Variants in RPS6KA1 observed in about 807,000 individuals in gnomAD.
RPS6KA1 encodes ribosomal protein S6 kinase alpha-1.
Under a neutral mutation model 91.3 loss-of-function variants are expected in RPS6KA1, and 48 were observed. The observed-to-expected ratio is 0.53, with a 90% CI of 0.42 to 0.67. RPS6KA1 has a LOEUF of 0.67. RPS6KA1 is among the 30% of genes least tolerant of loss of function. The pLI is 0.00. For synonymous variants in RPS6KA1, 359 were observed against 384.7 expected, an observed-to-expected ratio of 0.93 and a Z score of 0.78; for missense variants, 719 against 960.5, an observed-to-expected ratio of 0.75 and a Z score of 3.32.
Position 26,555,241 on chromosome 1 carries a change from T to C in RPS6KA1, c.827+20T>C. On this transcript the variant is annotated intron_variant, in intron 10 of 21. Transcript: ENST00000374168. This position sits in a 1 kb window ranked among gnomAD's most constrained non-coding sequence, Gnocchi z 4.3. The stretch of plus-strand genomic sequence containing the variant: ...TCTGAAGTAAGCCCCAGCCCTGCCC[T>C]GATAACAATGGACTCCTCCAAGCCC... 6.2e-7 allele frequency: 1 copy of C among 1,612,620 alleles called. No individual in the cohort carries two copies. The highest frequency in any genetic ancestry group is 8.5e-7 in the Non-Finnish European group (1 of 1,178,730).
chr1:26,534,863 A>G (rs532711456), intron 1 of RPS6KA1, among the ~76,000 whole-genome samples: 10 of 152,174 alleles, frequency 6.6e-5, no homozygotes, highest in East Asian at 5.8e-4. Flanking sequence ...CTTGATTTCT[A>G]TGCTAAGGAG....
intron 17 of RPS6KA1, among the ~76,000 whole-genome samples, chr1:26,562,407 G>T (rs2076161260): frequency 1.3e-5 from 2 of 152,158 alleles, no homozygotes; most frequent in Non-Finnish European, 2.9e-5. Context: ...TTTTGAGTTA[G>T]GAAGTGGCAG....
At chr1:26,532,471 G>T (rs1339889058) in intron 1 of RPS6KA1, among the ~76,000 whole-genome samples, 1 of 152,142 alleles carries the variant, frequency 6.6e-6, no homozygotes, top group Non-Finnish European at 1.5e-5. Context: ...ATGGGGAAGG[G>T]CTGGAGCCAC....
At chr1:26,569,584 C>A (rs544051158) in intron 17 of RPS6KA1, among the ~76,000 whole-genome samples, 1 of 152,156 alleles carries the variant, frequency 6.6e-6, no homozygotes, top group Admixed American at 6.5e-5. Flanking sequence ...ACGGGCTCCA[C>A]GGGCATTGCT....
chr1:26,543,683 G>A (rs1427699651), intron 2 of RPS6KA1, among the ~76,000 whole-genome samples: 1 of 152,170 alleles, frequency 6.6e-6, no homozygotes. Context: ...TGGGCAGGAC[G>A]TGGCTCTGGC....
chr1:26,547,038 G>T lies in RPS6KA1; in HGVS notation c.225+55G>T. On this transcript the variant is annotated intron_variant, in intron 3 of 21. Transcript: ENST00000374168. The surrounding 1 kb of genome is among the most constrained non-coding windows in gnomAD (Gnocchi z 4.1). ...AACACTCGTCATGTTAGAGGTGGGG[G>T]TCAAGGGTCACCTAGGGGCCCAAAG... 6.5e-7 allele frequency: 1 copy of T among 1,550,160 alleles called. No individual in the cohort carries two copies. The highest frequency in any genetic ancestry group is 8.9e-7 in the Non-Finnish European group (1 of 1,122,408).
At position 26,547,292 on chromosome 1, in the gene RPS6KA1, T is replaced by C. The variant is rs749196072; in HGVS notation, c.307+22T>C. On this transcript the variant is annotated intron_variant, in intron 4 of 21. Coordinates refer to ENST00000374168, the MANE Select transcript of RPS6KA1 (RefSeq NM_002953.4). The surrounding 1 kb of genome is among the most constrained non-coding windows in gnomAD (Gnocchi z 4.1). ...AAAGGTGAGTGGGGACACCTCCCTG[T>C]GCAGAACCCAGGCTTGGCTGAGGGA... The C allele has an allele frequency of 1.9e-6, 3 of 1,606,978 alleles. No homozygotes were observed. Among genetic ancestry groups the C allele is most frequent in the Non-Finnish European group, 2.6e-6 (3 of 1,175,338 alleles).
chr1:26,556,901 T>A, intron 12 of RPS6KA1, 97 bp from the exon 13 acceptor site: 2 of 1,171,942 alleles, frequency 1.7e-6, no homozygotes, highest in Non-Finnish European at 2.6e-6. Flanking sequence ...CTGGGCAATA[T>A]GGCCTATGTT....
intron 17 of RPS6KA1, among the ~76,000 whole-genome samples, chr1:26,563,383 A>G (rs1420214481): frequency 6.6e-6 from 1 of 150,870 alleles, no homozygotes; most frequent in Non-Finnish European, 1.5e-5. Flanking sequence ...ACGCACCACC[A>G]CACCTGGCTA....
In RPS6KA1 at chr1:26,547,089, G is replaced by A; in HGVS notation, c.226-100G>A. 1 of 1,534,810 alleles carries A rather than the reference G, an allele frequency of 6.5e-7. No individual in the cohort carries two copies. Among genetic ancestry groups the A allele is most frequent in the Non-Finnish European group, 9.0e-7 (1 of 1,109,324 alleles). Reference sequence around the variant, plus strand: ...GATCAGAGGTCACCTTGGTACCCAGGGAGAGCAAAAAGGTCAGCTTGGGGC... The same window carrying A: ...GATCAGAGGTCACCTTGGTACCCAGAGAGAGCAAAAAGGTCAGCTTGGGGC... On this transcript the variant is annotated intron_variant, in intron 3 of 21. Transcript: ENST00000374168. The surrounding 1 kb of genome is among the most constrained non-coding windows in gnomAD (Gnocchi z 4.1).
At position 26,549,047 on chromosome 1, in the gene RPS6KA1, G is replaced by C. The variant is rs1432406678; in HGVS notation, c.307+1777G>C. On this transcript the variant is annotated intron_variant, in intron 4 of 21. Transcript: ENST00000374168. ...ACATGCAGGAGGAGTACATTGGCCA[G>C]ATCTCCTAAGATAAGCAGCTGTGAG... 2.0e-5 allele frequency among the ~76,000 whole-genome samples: 3 copies of C among 150,902 alleles called. No homozygotes were observed. In the East Asian group the frequency reaches 5.8e-4, roughly 29 times the overall value.
chr1:26,573,050 G>A (rs541907303), intron 20 of RPS6KA1, among the ~76,000 whole-genome samples, 174 bp from the exon 21 acceptor site: 102 of 152,308 alleles, frequency 6.7e-4, no homozygotes, highest in Middle Eastern at 3.4e-3. Flanking sequence ...AAGGCCCAGC[G>A]ACAGGAACCT....
At position 26,571,986 on chromosome 1, in the gene RPS6KA1, G is replaced by T. The variant is rs184303679; in HGVS notation, c.1829+61G>T. On this transcript the variant is annotated intron_variant, in intron 19 of 21. Transcript: ENST00000374168. The surrounding 1 kb of genome is among the most constrained non-coding windows in gnomAD (Gnocchi z 5.1). ...GCAGCCCTAGCACTTGGGCTGAGTG[G>T]TGCTTGTCTGATAGGAATGGCTCAG... is the stretch of plus-strand genomic sequence containing the variant. 47 of 1,528,156 alleles carry T rather than the reference G, an allele frequency of 3.1e-5. No individual in the cohort carries two copies. In the African/African-American group the frequency reaches 5.3e-4, roughly 17 times the overall value. The allele number at this position is 1,528,156 out of a possible 1,614,324, so 94.7% of individuals were successfully genotyped here.
intron 15 of RPS6KA1, 25 bp downstream of exon 15, chr1:26,560,876 C>G (rs760065879): frequency 1.2e-6 from 2 of 1,613,876 alleles, no homozygotes; most frequent in Non-Finnish European, 1.7e-6. Flanking sequence ...CACGTCTCGG[C>G]CAAGGCTGCT....
Position 26,574,227 on chromosome 1 carries a change from G to C in RPS6KA1, c.*26G>C. 6.2e-7 allele frequency: 1 copy of C among 1,613,790 alleles called. No individual in the cohort carries two copies. The highest frequency in any genetic ancestry group is 8.5e-7 in the Non-Finnish European group (1 of 1,179,830). ...GGCACCAGGGCATTCGGGCCACAGG[G>C]CGGTGCTAGCTTGACACAGTCAGCA... is the stretch of plus-strand genomic sequence containing the variant. On this transcript the variant is annotated 3_prime_UTR_variant, in exon 22 of 22. Coordinates refer to ENST00000374168, the MANE Select transcript of RPS6KA1 (RefSeq NM_002953.4). This position sits in a 1 kb window ranked among gnomAD's most constrained non-coding sequence, Gnocchi z 4.3.
chr1:26,551,411 C>A lies in RPS6KA1; in HGVS notation c.322C>A (p.Arg108=), dbSNP rs764655017. ...CGTCTGGCCAGTACGTGACCGCGTC[C>A]GGACCAAGATGGAGAGAGACATCCT... ...KATLKVRDRV[R]TKMERDILAD... is the part of the protein sequence containing the mutation. The change falls in exon 5 of 22, where the codon CGG becomes AGG. Residue 108 remains arginine, a synonymous_variant. Transcript: ENST00000374168. The surrounding 1 kb of genome is among the most constrained non-coding windows in gnomAD (Gnocchi z 4.5). 6.2e-7 allele frequency: 1 copy of A among 1,614,126 alleles called. No individual in the cohort carries two copies. Among genetic ancestry groups the A allele is most frequent in the Non-Finnish European group, 8.5e-7 (1 of 1,180,004 alleles).
At chr1:26,560,374 C>G (rs1224401355) in intron 14 of RPS6KA1, among the ~76,000 whole-genome samples, 2 of 152,242 alleles carry the variant, frequency 1.3e-5, no homozygotes, top group African/African-American at 2.4e-5. Context: ...AGTGGCACAG[C>G]TGGAACTCAG....
Position 26,554,150 on chromosome 1 carries a change from G to A in RPS6KA1, c.576-64G>A, listed in dbSNP as rs59433897. On this transcript the variant is annotated intron_variant, in intron 7 of 21. Coordinates refer to ENST00000374168, the MANE Select transcript of RPS6KA1 (RefSeq NM_002953.4). This position sits in a 1 kb window ranked among gnomAD's most constrained non-coding sequence, Gnocchi z 4.6. ...GGCTGAACCCAACTCCCACAGCCCT[G>A]TGGTAACACCATCACCCACACGGCC... is the stretch of plus-strand genomic sequence containing the variant. 13,957 of 1,523,674 alleles carry A rather than the reference G, an allele frequency of 9.2e-3. 1,086 individuals carry two copies. In the African/African-American group the frequency reaches 0.17, roughly 19 times the overall value. The allele number at this position is 1,523,674 out of a possible 1,614,324, so 94.4% of individuals were successfully genotyped here.
intron 1 of RPS6KA1, chr1:26,530,916 T>C (rs2075862811): frequency 8.1e-7 from 1 of 1,237,676 alleles, no homozygotes; most frequent in Non-Finnish European, 1.0e-6. Flanking sequence ...ATATTCTCCT[T>C]CCCAGGTGGT....
Sources: gnomAD v4.1 joint callset for allele counts (sites outside exome capture counted in the v4.1 genomes callset) on GRCh38, gnomAD v4.1.1 for gene constraint, Gnocchi (gnomAD v3.1) non-coding constraint, MANE v1.5 for transcripts, NCBI Gene and HGNC (gene_info 2026-07-23, HGNC 2026-07-21) for gene names.